The following PCDHGA4 variants were observed in gnomAD, a reference collection of about 807,000 sequenced individuals.
PCDHGA4 encodes protocadherin gamma subfamily A, 4.
A neutral mutation model predicts 54.6 loss-of-function variants in PCDHGA4; 38 were observed. The observed-to-expected ratio is 0.70, with a 90% CI of 0.54 to 0.91. PCDHGA4 has a LOEUF of 0.91. PCDHGA4 is among the 40% of genes least tolerant of loss of function. The pLI, the probability that PCDHGA4 is intolerant of heterozygous loss-of-function variation, is 0.00. For synonymous variants in PCDHGA4, 511 were observed against 512.9 expected (o/e 1.00, Z 0.05); for missense variants, 1,298 against 1,220.9 (o/e 1.06, Z -0.94).
chr5:141,482,530 C>CAAAAAAAAAAA (rs3074545), intron 1 of PCDHGA4, among the ~76,000 whole-genome samples: 21 of 76,546 alleles, frequency 2.7e-4, no homozygotes, highest in African/African-American at 4.8e-4. Context: ...GACAGACATG[C>CAAAAAAAAAAA]AAAAAAAAAA....
intron 1 of PCDHGA4, chr5:141,385,340 C>A: frequency 6.4e-7 from 1 of 1,570,860 alleles, no homozygotes; most frequent in Non-Finnish European, 8.6e-7. Flanking sequence ...CCAGCCCTTC[C>A]TTTATTTCCA....
At chr5:141,381,798 C>CTCTTTCTTTCTTTCTTTCTTTCTT (rs372235829) in intron 1 of PCDHGA4, among the ~76,000 whole-genome samples, 8 of 144,168 alleles carry the variant, frequency 5.5e-5, no homozygotes, top group African/African-American at 1.9e-4. Flanking sequence ...AGGCAATTCC[C>CTCTTTCTTTCTTTCTTTCTTTCTT]TCTTTCTTTC....
At chr5:141,436,439 A>G (rs1481744238) in intron 1 of PCDHGA4, among the ~76,000 whole-genome samples, 5 of 152,208 alleles carry the variant, frequency 3.3e-5, no homozygotes, top group African/African-American at 1.2e-4. Flanking sequence ...TCTGGGGATT[A>G]CCTGATACCA....
Position 141,447,676 on chromosome 5 carries a change from C to T in PCDHGA4, c.2515-47131C>T, listed in dbSNP as rs1466767844. Among the ~76,000 whole-genome samples the T allele has an allele frequency of 2.6e-5, 4 of 152,104 alleles. No individual in the cohort carries two copies. The East Asian group carries it at 7.7e-4, about 29-fold the overall frequency. On this transcript the variant is annotated intron_variant, in intron 1 of 3. Coordinates refer to ENST00000571252, the MANE Select transcript of PCDHGA4 (RefSeq NM_018917.4). The stretch of plus-strand genomic sequence containing the variant: ...CCCCCCCAGGAAGTTAGAACTGTTC[C>T]ATATCTTGATAGAGGGATGGGTTAT...
chr5:141,393,477 C>T (rs1561642767), intron 1 of PCDHGA4: 1 of 1,614,040 alleles, frequency 6.2e-7, no homozygotes, highest in African/African-American at 1.3e-5. Context: ...CAAGCCGCCT[C>T]GCTCTAGCAC....
chr5:141,412,963 G>T, intron 1 of PCDHGA4: 1 of 518,228 alleles, frequency 1.9e-6, no homozygotes, highest in East Asian at 3.1e-5. Context: ...TCACCTACTA[G>T]GAGAGAAAAC....
intron 1 of PCDHGA4, chr5:141,441,448 A>T (rs1415765869): frequency 1.2e-5 from 2 of 161,528 alleles, no homozygotes; most frequent in Non-Finnish European, 2.7e-5. Context: ...CAGCCCAAGC[A>T]TCACCCTACT....
rs1314264090 is a variant in PCDHGA4, at chr5:141,490,459, C to T, written c.2515-4348C>T. 7 of 1,614,100 alleles carry T rather than the reference C, an allele frequency of 4.3e-6. No homozygotes were observed. Among genetic ancestry groups the T allele is most frequent in the Non-Finnish European group, 5.9e-6 (7 of 1,180,040 alleles). ...GCCTTCTGAGAACCACTACTCGCTG[C>T]TAACCAGCCAGCCTTTGGACCGGGA... On this transcript the variant is annotated intron_variant, in intron 1 of 3. Coordinates refer to ENST00000571252, the MANE Select transcript of PCDHGA4 (RefSeq NM_018917.4). The surrounding 1 kb of genome is among the most constrained non-coding windows in gnomAD (Gnocchi z 5.4).
At chr5:141,416,132 A>C in intron 1 of PCDHGA4, 1 of 154,082 alleles carries the variant, frequency 6.5e-6, no homozygotes, top group Non-Finnish European at 1.4e-5. Context: ...ATATTTTTCA[A>C]TCTATACTTT....
At position 141,477,166 on chromosome 5, in the gene PCDHGA4, G is replaced by A. The variant is rs753389305; in HGVS notation, c.2515-17641G>A. ...TTGTGGATGTGAATGACAACGCCCC[G>A]GAGATCACAGTCACCTCCGTGTACA... On this transcript the variant is annotated intron_variant, in intron 1 of 3. Transcript: ENST00000571252. This position sits in a 1 kb window ranked among gnomAD's most constrained non-coding sequence, Gnocchi z 4.9. 5.9e-5 allele frequency: 96 copies of A among 1,614,012 alleles called. 1 individual carries two copies. Among genetic ancestry groups the A allele is most frequent in the Non-Finnish European group, 7.9e-5 (93 of 1,180,030 alleles).
rs1408938686 is a variant in PCDHGA4 at position 141,398,777 on chromosome 5, G to A, written c.2514+41156G>A. On this transcript the variant is annotated intron_variant, in intron 1 of 3. Transcript: ENST00000571252. ...CGTTTAGTCCTGACTGCCTTGGACG[G>A]TGGACATCCACCCCTAAGCGGCACC... is the stretch of plus-strand genomic sequence containing the variant. The A allele has an allele frequency of 3.1e-6, 5 of 1,613,902 alleles. 1 individual carries two copies. The South Asian group carries it at 3.3e-5, about 11-fold the overall frequency.
chr5:141,423,050 G>C, intron 1 of PCDHGA4: 1 of 1,614,186 alleles, frequency 6.2e-7, no homozygotes, highest in Non-Finnish European at 8.5e-7. Flanking sequence ...CTGTCCTATC[G>C]CCTGCTTAAG....
At chr5:141,413,056 T>A in intron 1 of PCDHGA4, 1 of 1,030,200 alleles carries the variant, frequency 9.7e-7, no homozygotes, top group East Asian at 2.6e-5. Flanking sequence ...GGAAGCTCAC[T>A]CCAGAATTTA....
At chr5:141,389,927 C>A (rs2091975121) in intron 1 of PCDHGA4, 2 of 1,613,944 alleles carry the variant, frequency 1.2e-6, no homozygotes, top group African/African-American at 2.7e-5. Flanking sequence ...ACCCCTCTGA[C>A]CTCCAGGCTG....
intron 1 of PCDHGA4, chr5:141,392,738 T>C (rs2150490352): frequency 4.2e-6 from 6 of 1,433,676 alleles, no homozygotes; most frequent in Non-Finnish European, 5.5e-6. Flanking sequence ...GTCATCTCCA[T>C]AGCTGCGGCA....
chr5:141,476,382 A>G lies in PCDHGA4; in HGVS notation c.2515-18425A>G, dbSNP rs777831089. ...CGGGAGACCGGAGAGATGTTTGTGA[A>G]CGACCGTCTGGATCGAGAGGAGCTG... On this transcript the variant is annotated intron_variant, in intron 1 of 3. Transcript: ENST00000571252. This position sits in a 1 kb window ranked among gnomAD's most constrained non-coding sequence, Gnocchi z 7.6. 3.7e-6 allele frequency: 6 copies of G among 1,613,866 alleles called. No individual in the cohort carries two copies. The East Asian group carries it at 1.3e-4, about 36-fold the overall frequency.
chr5:141,392,671 C>A, intron 1 of PCDHGA4: 1 of 875,408 alleles, frequency 1.1e-6, no homozygotes, highest in Non-Finnish European at 1.7e-6. Context: ...AAACTAACTG[C>A]TGGACTGCAG....
chr5:141,384,286 G>C lies in PCDHGA4; in HGVS notation c.2514+26665G>C, dbSNP rs760333073. ...CTCATCCTACTCAGTCTACATCGCT[G>C]AGAACAACCCCAGAGGGGCCTCCAT... On this transcript the variant is annotated intron_variant, in intron 1 of 3. Coordinates refer to ENST00000571252, the MANE Select transcript of PCDHGA4 (RefSeq NM_018917.4). 3 of 1,613,716 alleles carry C rather than the reference G, an allele frequency of 1.9e-6. No homozygotes were observed. In the East Asian group the frequency reaches 6.7e-5, roughly 36 times the overall value.
rs1348646863 is a variant in PCDHGA4 at position 141,356,379 on chromosome 5, A to T, written c.1272A>T (p.Thr424=). The T allele has an allele frequency of 9.6e-6, 15 of 1,565,488 alleles. No individual in the cohort carries two copies. In the East Asian group the frequency reaches 3.6e-4, roughly 37 times the overall value. ...TCSIPDNLPF[T]LEKTYGNYYR... is the part of the protein sequence containing the mutation. ...CTATTCCAGATAATCTGCCATTCAC[A>T]CTTGAAAAGACCTATGGAAATTATT... The change falls in exon 1 of 4, where the codon ACA becomes ACT. Residue 424 remains threonine, a synonymous_variant. Transcript: ENST00000571252.
Sources: gnomAD v4.1 joint callset for allele counts (sites outside exome capture counted in the v4.1 genomes callset) on GRCh38, gnomAD v4.1.1 for gene constraint, Gnocchi (gnomAD v3.1) non-coding constraint, MANE v1.5 for transcripts, NCBI Gene and HGNC (gene_info 2026-07-23, HGNC 2026-07-21) for gene names.